Variants in CYP4X1 observed in about 807,000 individuals in gnomAD.
CYP4X1 encodes cytochrome P450 4X1.
CYP4X1 carries 44 observed loss-of-function variants against 57.9 expected under a neutral mutation model. That is an observed-to-expected ratio of 0.76 (90% CI 0.60 to 0.98). The LOEUF is 0.98. Ranked by LOEUF, CYP4X1 falls within the 50% of genes least tolerant of loss-of-function variation. The pLI is 0.00. For missense variants in CYP4X1, 532 were observed against 623.9 expected (o/e 0.85, Z 1.57); for synonymous variants, 227 against 228.6 (o/e 0.99, Z 0.06).
At chr1:47,049,915 T>C (rs1644343977) in intron 11 of CYP4X1, 85 bp from the exon 12 acceptor site, 1 of 1,371,186 alleles carries the variant, frequency 7.3e-7, no homozygotes, top group African/African-American at 1.4e-5. Flanking sequence ...TACTGTGTAC[T>C]TCAGACTTAT....
the CYP4X1 span, among the ~76,000 whole-genome samples, chr1:46,971,770 G>GT: frequency 3.0e-4 from 45 of 151,732 alleles, 1 homozygote; most frequent in Non-Finnish European, 5.3e-4. Flanking sequence ...AATGGGGTTG[G>GT]TTTTTTTGTT....
rs769319294 is a variant in CYP4X1, at chr1:47,049,447, A to G, written c.1298A>G (p.Gln433Arg). Residue 433 changes from glutamine (Q) to arginine (R), a missense_variant, in exon 11 of 12, where the codon CAG (glutamine) becomes CGG (arginine). Coordinates refer to ENST00000371901, the MANE Select transcript of CYP4X1 (RefSeq NM_178033.2). ...PKVFDPLRFS[Q>R]ENSDQRHPYA... ...GTCTTTGACCCCTTGAGGTTCTCTC[A>G]GGAGAATTCTGATCAGAGACACCCC... is the stretch of plus-strand genomic sequence containing the variant. 1.2e-6 allele frequency: 2 copies of G among 1,614,110 alleles called. No individual in the cohort carries two copies. Among genetic ancestry groups the G allele is most frequent in the Non-Finnish European group, 1.7e-6 (2 of 1,179,982 alleles).
chr1:47,013,929 C>G, the CYP4X1 span, among the ~76,000 whole-genome samples: 2 of 151,838 alleles, frequency 1.3e-5, no homozygotes, highest in Non-Finnish European at 2.9e-5. Context: ...TATCCACCAC[C>G]ATGTCTGGCT....
the CYP4X1 span, among the ~76,000 whole-genome samples, chr1:47,008,864 G>C: frequency 6.6e-6 from 1 of 152,126 alleles, no homozygotes; most frequent in Non-Finnish European, 1.5e-5. Flanking sequence ...ACAACAAGAA[G>C]AGCTAACTAT....
chr1:47,033,489 A>G, intron 4 of CYP4X1, 121 bp downstream of exon 4: 1 of 1,286,716 alleles, frequency 7.8e-7, no homozygotes, highest in Non-Finnish European at 1.1e-6. Context: ...TAACCAATGT[A>G]CACGTACTTA....
At chr1:47,018,880 C>T (rs1250224945), upstream of CYP4X1, among the ~76,000 whole-genome samples, 1 of 152,140 alleles carries the variant, frequency 6.6e-6, no homozygotes, top group African/African-American at 2.4e-5. Context: ...AAGCCGCTGA[C>T]CATTGAAAAC....
chr1:47,052,119 G>A (rs555447036), downstream of CYP4X1, among the ~76,000 whole-genome samples: 1 of 151,824 alleles, frequency 6.6e-6, no homozygotes, highest in Non-Finnish European at 1.5e-5. Context: ...TAATTTATTT[G>A]TCAGGTTGCC....
the CYP4X1 span, among the ~76,000 whole-genome samples, chr1:47,009,189 A>G: frequency 4.0e-5 from 6 of 151,814 alleles, no homozygotes; most frequent in African/African-American, 1.2e-4. Context: ...CTCAAAAAGA[A>G]CAGAAATTAT....
chr1:46,979,886 A>T, the CYP4X1 span, among the ~76,000 whole-genome samples: 29 of 152,248 alleles, frequency 1.9e-4, no homozygotes, highest in Admixed American at 8.5e-4. Flanking sequence ...CCACATGATT[A>T]TCTCAATAGA....
intron 4 of CYP4X1, among the ~76,000 whole-genome samples, chr1:47,033,742 G>T (rs1644149164): frequency 1.3e-5 from 2 of 152,116 alleles, no homozygotes; most frequent in Admixed American, 1.3e-4. Flanking sequence ...TTCTTAAAAA[G>T]AAACATTCAA....
At chr1:46,971,566 G>A in the CYP4X1 span, among the ~76,000 whole-genome samples, 1 of 152,052 alleles carries the variant, frequency 6.6e-6, no homozygotes, top group Admixed American at 6.6e-5. Flanking sequence ...CCTTTTCTCT[G>A]CAAACTTGCC....
chr1:47,047,160 G>A (rs1426547045), intron 9 of CYP4X1, among the ~76,000 whole-genome samples: 3 of 152,142 alleles, frequency 2.0e-5, no homozygotes, highest in African/African-American at 7.2e-5. Context: ...TCCAGAGGCA[G>A]CCCCAATGTG....
At chr1:47,028,333 C>T (rs1292477298) in intron 1 of CYP4X1, among the ~76,000 whole-genome samples, 1 of 152,130 alleles carries the variant, frequency 6.6e-6, no homozygotes, top group Non-Finnish European at 1.5e-5. Flanking sequence ...TTAACCTAGT[C>T]TGTAGGGCTC....
the CYP4X1 span, among the ~76,000 whole-genome samples, chr1:46,983,679 T>C: frequency 6.6e-6 from 1 of 152,150 alleles, no homozygotes; most frequent in Non-Finnish European, 1.5e-5. Flanking sequence ...TGCAGTGTTC[T>C]CAAGGCCCGT....
At chr1:47,052,391 T>C (rs1263099393), downstream of CYP4X1, among the ~76,000 whole-genome samples, 1 of 152,218 alleles carries the variant, frequency 6.6e-6, no homozygotes, top group Non-Finnish European at 1.5e-5. Flanking sequence ...CACATTTTTA[T>C]ACCAACTGTG....
chr1:47,036,066 T>C lies in CYP4X1; in HGVS notation c.670T>C (p.Phe224Leu), dbSNP rs952776358. Reference protein sequence around the residue: ...KAIFELSKIIFHRLYSLLYHS... With the variant: ...KAIFELSKIILHRLYSLLYHS... ...CATATTTGAACTCAGCAAAATCATA[T>C]TTCACCGCTTGTACAGTTTGTTGTA... The change falls in exon 6 of 12, where the codon TTT becomes CTT. Residue 224 changes from phenylalanine (F) to leucine (L), a missense_variant. By Grantham distance (22) the Phe-to-Leu change is conservative (BLOSUM62 0). Coordinates refer to ENST00000371901, the MANE Select transcript of CYP4X1 (RefSeq NM_178033.2). The C allele has an allele frequency of 1.2e-6, 2 of 1,613,728 alleles. No homozygotes were observed. Among genetic ancestry groups the C allele is most frequent in the Middle Eastern group, 1.7e-4 (1 of 6,056 alleles).
At chr1:47,055,394 T>C (rs1644387827), downstream of CYP4X1, among the ~76,000 whole-genome samples, 1 of 152,176 alleles carries the variant, frequency 6.6e-6, no homozygotes, top group African/African-American at 2.4e-5. Context: ...TTTTGTTGTG[T>C]CTCTGCCAGG....
At chr1:47,022,105 G>A (rs1375738327), upstream of CYP4X1, among the ~76,000 whole-genome samples, 2 of 152,134 alleles carry the variant, frequency 1.3e-5, no homozygotes, top group African/African-American at 4.8e-5. Context: ...AGCTGTGTAA[G>A]CCAGAGGATT....
At chr1:46,968,423 C>G in the CYP4X1 span, among the ~76,000 whole-genome samples, 5 of 152,170 alleles carry the variant, frequency 3.3e-5, no homozygotes, top group Non-Finnish European at 5.9e-5. Context: ...GTCAGCCAGC[C>G]CTCCATGGAC....
Sources: gnomAD v4.1 joint callset for allele counts (sites outside exome capture counted in the v4.1 genomes callset) on GRCh38, gnomAD v4.1.1 for gene constraint, MANE v1.5 for transcripts, NCBI Gene and HGNC (gene_info 2026-07-23, HGNC 2026-07-21) for gene names.